The following TTLL7 variants were observed in gnomAD, a reference collection of about 807,000 sequenced individuals.
The protein encoded by TTLL7 is tubulin tyrosine ligase like 7, also known as tubulin polyglutamylase TTLL7.
Under a neutral mutation model 120.2 loss-of-function variants are expected in TTLL7, and 53 were observed. The observed-to-expected ratio is 0.44, with a 90% confidence interval of 0.35 to 0.55. The LOEUF is 0.55. TTLL7 is among the 20% of genes least tolerant of loss of function. The pLI is 0.00. For missense variants in TTLL7, 803 were observed against 1,054.7 expected, an observed-to-expected ratio of 0.76 and a Z score of 3.31; for synonymous variants, 353 against 351.7, an observed-to-expected ratio of 1.00 and a Z score of -0.04.
intron 10 of TTLL7, among the ~76,000 whole-genome samples, chr1:83,928,896 A>G (rs900544032): frequency 1.1e-4 from 17 of 151,664 alleles, no homozygotes; most frequent in Non-Finnish European, 2.4e-4. Flanking sequence ...ATACAGGAGT[A>G]GGGGGGACAG....
chr1:83,942,590 C>T lies in TTLL7; in HGVS notation c.596G>A (p.Gly199Asp), dbSNP rs536756957. 6.2e-7 allele frequency: 1 copy of T among 1,613,878 alleles called. No homozygotes were observed. The highest frequency in any genetic ancestry group is 2.2e-5 in the East Asian group (1 of 44,844). The change falls in exon 7 of 21, where the codon GGT (glycine) becomes GAT (aspartate). Residue 199 changes from glycine (G) to aspartate (D), a missense_variant. By Grantham distance (94) the Gly-to-Asp change is moderately conservative. Transcript: ENST00000260505. Reference sequence around the variant, plus strand: ...ATAAATTCGTAAGTCAAACTTGTAACCTTCCATTAGGAAAGGCTTTTCAAT... The same window carrying T: ...ATAAATTCGTAAGTCAAACTTGTAATCTTCCATTAGGAAAGGCTTTTCAAT... ...EYIEKPFLME[G>D]YKFDLRIYIL...
At chr1:83,934,531 TAA>T (rs564892990) in intron 8 of TTLL7, among the ~76,000 whole-genome samples, 1 of 152,224 alleles carries the variant, frequency 6.6e-6, no homozygotes, top group Non-Finnish European at 1.5e-5. Flanking sequence ...TGTTACCAAT[TAA>T]AAGACTGGCT....
intron 1 of TTLL7, among the ~76,000 whole-genome samples, chr1:83,956,190 T>C (rs1649492996): frequency 2.0e-5 from 3 of 152,064 alleles, no homozygotes; most frequent in Admixed American, 1.3e-4. Flanking sequence ...ACTCTTGGGC[T>C]CCACAATCCT....
At chr1:83,921,778 A>G (rs768812727) in intron 10 of TTLL7, among the ~76,000 whole-genome samples, 17 of 152,082 alleles carry the variant, frequency 1.1e-4, no homozygotes, top group Admixed American at 4.6e-4. Flanking sequence ...TTCTTATAAG[A>G]TTAATTTGTG....
At chr1:83,948,480 A>G (rs568179960) in intron 5 of TTLL7, 148 bp downstream of exon 5, 62 of 501,178 alleles carry the variant, frequency 1.2e-4, no homozygotes, top group African/African-American at 1.0e-3. Context: ...GGAACCAGAG[A>G]CCTTCTAAGA....
At chr1:83,948,461 T>C (rs751217792) in intron 5 of TTLL7, among the ~76,000 whole-genome samples, 167 bp downstream of exon 5, 10 of 152,152 alleles carry the variant, frequency 6.6e-5, no homozygotes, top group Non-Finnish European at 1.3e-4. Flanking sequence ...CTCTGCAAAA[T>C]GGAAGACTGG....
chr1:83,891,820 T>C (rs1337416457), intron 18 of TTLL7, among the ~76,000 whole-genome samples: 1 of 89,870 alleles, frequency 1.1e-5, no homozygotes, highest in Non-Finnish European at 2.2e-5. Context: ...AGAGACTATA[T>C]ATACCATGAT....
chr1:83,881,780 C>T (rs1571037940), intron 20 of TTLL7, among the ~76,000 whole-genome samples: 1 of 150,834 alleles, frequency 6.6e-6, no homozygotes, highest in South Asian at 2.1e-4. Context: ...TATAAAGACA[C>T]ATGCACACGT....
At chr1:83,906,674 C>T (rs1366858711) in intron 16 of TTLL7, among the ~76,000 whole-genome samples, 1 of 152,014 alleles carries the variant, frequency 6.6e-6, no homozygotes, top group East Asian at 1.9e-4. Flanking sequence ...CAAGGTTATA[C>T]TTATTTAGCT....
At chr1:83,973,105 T>C (rs568638407) in intron 1 of TTLL7, among the ~76,000 whole-genome samples, 2 of 152,214 alleles carry the variant, frequency 1.3e-5, no homozygotes, top group South Asian at 2.1e-4. Flanking sequence ...ATTTCTTTCA[T>C]GGATCATGCC....
In TTLL7 at chr1:83,988,620, A is replaced by G. The variant is rs113528419; in HGVS notation, c.-177+10311T>C. ...GTATCTCATTGTGGTTTTGATTTGC[A>G]TGTCTCTGGTGATTAGTGATGTTGA... is the stretch of plus-strand genomic sequence containing the variant. On this transcript the variant is annotated intron_variant, in intron 1 of 20. Transcript: ENST00000260505. 3.7e-3 allele frequency among the ~76,000 whole-genome samples: 563 copies of G among 152,022 alleles called. 9 individuals carry two copies. Among genetic ancestry groups the G allele is most frequent in the African/African-American group, 0.013 (519 of 41,460 alleles).
chr1:83,909,566 T>C (rs766017673), intron 15 of TTLL7, among the ~76,000 whole-genome samples: 18 of 152,034 alleles, frequency 1.2e-4, no homozygotes, highest in Admixed American at 2.6e-4. Context: ...AGTGAAAGAC[T>C]TGTTACAATT....
At chr1:83,968,486 C>T (rs80010804) in intron 1 of TTLL7, among the ~76,000 whole-genome samples, 6,332 of 152,016 alleles carry the variant, frequency 0.042, 155 homozygotes, top group Middle Eastern at 0.099. Flanking sequence ...ACTTGGGTTC[C>T]AGTTAGATGA....
At chr1:83,916,133 A>G (rs1658136974) in intron 14 of TTLL7, among the ~76,000 whole-genome samples, 1 of 152,206 alleles carries the variant, frequency 6.6e-6, no homozygotes, top group South Asian at 2.1e-4. Context: ...CAGCCATCCC[A>G]TTACTGGGTA....
chr1:83,870,138 T>A, intron 20 of TTLL7, 56 bp from the exon 21 acceptor site: 3 of 1,479,796 alleles, frequency 2.0e-6, no homozygotes, highest in Non-Finnish European at 2.7e-6. Flanking sequence ...ACTAACTCAC[T>A]AAAGGGTTAT....
intron 1 of TTLL7, among the ~76,000 whole-genome samples, chr1:83,956,584 C>A (rs932347827): frequency 1.3e-5 from 2 of 152,076 alleles, no homozygotes; most frequent in East Asian, 1.9e-4. Flanking sequence ...TGCGCCACCA[C>A]ACCTGGCTAA....
intron 1 of TTLL7, among the ~76,000 whole-genome samples, chr1:83,992,656 C>T (rs1032504307): frequency 3.9e-5 from 6 of 151,952 alleles, no homozygotes; most frequent in Non-Finnish European, 8.8e-5. Flanking sequence ...ATAATATCTG[C>T]TAATCTTTAA....
chr1:83,884,297 G>A (rs1446555692), intron 19 of TTLL7, among the ~76,000 whole-genome samples: 1 of 151,872 alleles, frequency 6.6e-6, no homozygotes, highest in Non-Finnish European at 1.5e-5. Context: ...AGAGAGAAAA[G>A]CACAGGAAAA....
intron 19 of TTLL7, among the ~76,000 whole-genome samples, chr1:83,884,535 G>C (rs1654805802): frequency 6.6e-6 from 1 of 151,768 alleles, no homozygotes; most frequent in South Asian, 2.1e-4. Context: ...AAGGGAGTAA[G>C]ACTGAAATGA....
Sources: gnomAD v4.1 joint callset for allele counts (sites outside exome capture counted in the v4.1 genomes callset) on GRCh38, gnomAD v4.1.1 for gene constraint, MANE v1.5 for transcripts, NCBI Gene and HGNC (gene_info 2026-07-23, HGNC 2026-07-21) for gene names.